Variants in CAMK4 observed in about 807,000 individuals in gnomAD.
The protein encoded by CAMK4 is calcium/calmodulin dependent protein kinase IV, also known as calcium/calmodulin-dependent protein kinase type IV.
Under a neutral mutation model 44.9 loss-of-function variants are expected in CAMK4, and 22 were observed. The observed-to-expected ratio is 0.49, with a 90% confidence interval of 0.35 to 0.70. CAMK4 has a LOEUF of 0.70. Ranked by LOEUF, CAMK4 falls within the 30% of genes least tolerant of loss-of-function variation. CAMK4 has a pLI of 0.01. For missense variants in CAMK4, 498 were observed against 586.8 expected (o/e 0.85, Z 1.56); for synonymous variants, 218 against 215.4 (o/e 1.01, Z -0.11).
At chr5:111,278,365 G>T (rs1432517734) in intron 1 of CAMK4, among the ~76,000 whole-genome samples, 1 of 145,286 alleles carries the variant, frequency 6.9e-6, no homozygotes, top group Non-Finnish European at 1.5e-5. Context: ...GAAATTAGGA[G>T]AATCAGGCTT....
At chr5:111,483,377 T>C (rs909007314) in intron 10 of CAMK4, among the ~76,000 whole-genome samples, 1 of 152,090 alleles carries the variant, frequency 6.6e-6, no homozygotes. Context: ...AGTGATATAA[T>C]AAATTACTTA....
chr5:111,386,902 C>A (rs1751625700), intron 4 of CAMK4, among the ~76,000 whole-genome samples: 1 of 152,192 alleles, frequency 6.6e-6, no homozygotes, highest in African/African-American at 2.4e-5. Flanking sequence ...AGTCTCAGGG[C>A]AGCCTTTTGG....
At chr5:111,394,147 A>G (rs954173446) in intron 4 of CAMK4, among the ~76,000 whole-genome samples, 19 of 152,180 alleles carry the variant, frequency 1.2e-4, no homozygotes, top group African/African-American at 4.6e-4. Context: ...CATGTTTCAG[A>G]CAATTAGAAA....
At chr5:111,226,205 C>T (rs146479544) in intron 1 of CAMK4, among the ~76,000 whole-genome samples, 167 of 152,264 alleles carry the variant, frequency 1.1e-3, no homozygotes, top group Middle Eastern at 3.4e-3. Flanking sequence ...TATCCACACA[C>T]GTTGTCTTTA....
chr5:111,299,335 G>C (rs1035770357), intron 1 of CAMK4, among the ~76,000 whole-genome samples: 1 of 152,214 alleles, frequency 6.6e-6, no homozygotes, highest in African/African-American at 2.4e-5. Flanking sequence ...TGCTAATGCT[G>C]TACATAACGG....
At chr5:111,320,612 T>G (rs1018040352) in intron 1 of CAMK4, among the ~76,000 whole-genome samples, 4 of 152,200 alleles carry the variant, frequency 2.6e-5, no homozygotes, top group Non-Finnish European at 5.9e-5. Flanking sequence ...GTTCAAGTGA[T>G]TCTCCTGCCT....
intron 1 of CAMK4, among the ~76,000 whole-genome samples, chr5:111,340,950 T>C (rs1159576055): frequency 6.6e-6 from 1 of 151,210 alleles, no homozygotes. Flanking sequence ...GTAGGTTGTA[T>C]GTATCTAGGA....
intron 7 of CAMK4, among the ~76,000 whole-genome samples, chr5:111,471,948 G>T (rs1755080739): frequency 6.6e-6 from 1 of 151,880 alleles, no homozygotes; most frequent in African/African-American, 2.4e-5. Flanking sequence ...TGCCCAGGTT[G>T]GAGTGCAGCG....
At position 111,318,326 on chromosome 5, in the gene CAMK4, A is replaced by G. The variant is rs78221149; in HGVS notation, c.162-25698A>G. Among the ~76,000 whole-genome samples, 249 of 152,268 alleles carry G rather than the reference A, an allele frequency of 1.6e-3. 3 individuals carry two copies. In the East Asian group the frequency reaches 0.03, roughly 18 times the overall value. On this transcript the variant is annotated intron_variant, in intron 1 of 10. Transcript: ENST00000282356. ...TGTAGTACCCCTGTGCCTGTCCCATAATTTGTCAGGTAATAAAATCCCAGA... is the reference window on the plus strand; with the variant it reads ...TGTAGTACCCCTGTGCCTGTCCCATGATTTGTCAGGTAATAAAATCCCAGA...
At chr5:111,273,928 AC>A (rs1315988980) in intron 1 of CAMK4, among the ~76,000 whole-genome samples, 1 of 151,682 alleles carries the variant, frequency 6.6e-6, no homozygotes, top group Non-Finnish European at 1.5e-5. Context: ...GGGCATATAT[AC>A]TTACATTATT....
intron 1 of CAMK4, among the ~76,000 whole-genome samples, chr5:111,245,114 A>AC (rs1486636561): frequency 6.6e-6 from 1 of 152,158 alleles, no homozygotes; most frequent in African/African-American, 2.4e-5. Context: ...TGCACATGTT[A>AC]CAGGACTAAG....
At chr5:111,227,153 T>G (rs1428569596) in intron 1 of CAMK4, among the ~76,000 whole-genome samples, 1 of 152,202 alleles carries the variant, frequency 6.6e-6, no homozygotes, top group Non-Finnish European at 1.5e-5. Flanking sequence ...TCAGAAATTT[T>G]TAAGTAAATA....
At chr5:111,245,548 A>T (rs926148168) in intron 1 of CAMK4, among the ~76,000 whole-genome samples, 4 of 152,126 alleles carry the variant, frequency 2.6e-5, no homozygotes, top group African/African-American at 9.7e-5. Context: ...CCATGTTCAT[A>T]TTTCTCTCAA....
At chr5:111,428,174 T>C (rs1561482219) in intron 5 of CAMK4, among the ~76,000 whole-genome samples, 1 of 152,268 alleles carries the variant, frequency 6.6e-6, no homozygotes, top group Non-Finnish European at 1.5e-5. Context: ...ACAGTGTTAC[T>C]GGGCTTGGGG....
At chr5:111,274,752 T>A (rs1162967111) in intron 1 of CAMK4, among the ~76,000 whole-genome samples, 3 of 152,138 alleles carry the variant, frequency 2.0e-5, no homozygotes, top group Admixed American at 6.6e-5. Flanking sequence ...GTGAAATAAC[T>A]TTTTTAATGT....
intron 1 of CAMK4, among the ~76,000 whole-genome samples, chr5:111,310,863 G>A (rs1748172657): frequency 6.6e-6 from 1 of 152,122 alleles, no homozygotes; most frequent in Non-Finnish European, 1.5e-5. Flanking sequence ...GCTTTCTCTA[G>A]TTTTCTGGGC....
intron 1 of CAMK4, among the ~76,000 whole-genome samples, chr5:111,331,919 G>A (rs1442203952): frequency 6.6e-6 from 1 of 151,258 alleles, no homozygotes; most frequent in Non-Finnish European, 1.5e-5. Context: ...TTCATTAGGG[G>A]CCAGAACCAT....
intron 1 of CAMK4, among the ~76,000 whole-genome samples, chr5:111,280,912 C>T (rs766836452): frequency 6.6e-6 from 1 of 152,088 alleles, no homozygotes; most frequent in South Asian, 2.1e-4. Flanking sequence ...GCTATGATAC[C>T]AACAGTGAGA....
intron 1 of CAMK4, among the ~76,000 whole-genome samples, chr5:111,309,810 T>C (rs904688030): frequency 6.6e-6 from 1 of 152,168 alleles, no homozygotes; most frequent in African/African-American, 2.4e-5. Flanking sequence ...ATATGGGACT[T>C]TAGACTTGGA....
Sources: gnomAD v4.1 joint callset for allele counts (sites outside exome capture counted in the v4.1 genomes callset) on GRCh38, gnomAD v4.1.1 for gene constraint, MANE v1.5 for transcripts, NCBI Gene and HGNC (gene_info 2026-07-23, HGNC 2026-07-21) for gene names.